The following NPIPB2 variants were observed in gnomAD, a reference collection of about 807,000 sequenced individuals.
NPIPB2 encodes the protein nuclear pore complex-interacting protein family member B2.
In NPIPB2, 27 loss-of-function variants were observed where a neutral mutation model predicts 30.8. The ratio of observed to expected loss-of-function variants is 0.88; its 90% CI spans 0.65 to 1.21. The LOEUF (loss-of-function observed/expected upper bound fraction) is 1.21. NPIPB2 is among the 50% of genes most tolerant of loss of function. The probability of loss-of-function intolerance (pLI) is 0.00; values close to 1 mark genes in which losing one functional copy is unlikely to be tolerated. For missense variants in NPIPB2, 440 were observed against 446.2 expected (o/e 0.99, Z 0.13); for synonymous variants, 147 against 162.0 (o/e 0.91, Z 0.70).
In NPIPB2 at chr16:11,933,814, C is replaced by G. The variant is rs748641802; in HGVS notation, c.292+11G>C. 1 of 1,589,692 alleles carries G rather than the reference C, an allele frequency of 6.3e-7. No individual in the cohort carries two copies. On this transcript the variant is annotated intron_variant, in intron 3 of 7. Transcript: ENST00000399147. ...CATTTCCACACTATGGGGACTCCAA[C>G]AGAGCCATACCTTCCTGTCTACGGC...
upstream of NPIPB2, among the ~76,000 whole-genome samples, chr16:11,944,311 C>T (rs951315539): frequency 4.0e-5 from 6 of 151,388 alleles, no homozygotes; most frequent in African/African-American, 7.3e-5. Flanking sequence ...GGACTATAGG[C>T]GCGTGCCACC....
intron 1 of NPIPB2, among the ~76,000 whole-genome samples, chr16:11,953,587 T>G (rs544082955): frequency 6.6e-6 from 1 of 152,226 alleles, no homozygotes; most frequent in East Asian, 1.9e-4. Flanking sequence ...CCTGACCTCG[T>G]GATTCACCCA....
chr16:11,974,638 A>G (rs986323474), intron 1 of NPIPB2, among the ~76,000 whole-genome samples: 4 of 152,224 alleles, frequency 2.6e-5, no homozygotes, highest in Non-Finnish European at 5.9e-5. Flanking sequence ...GTTTTTTAAA[A>G]CATCTCCTTA....
At chr16:11,957,420 C>A (rs1300497853) in intron 1 of NPIPB2, among the ~76,000 whole-genome samples, 4 of 152,056 alleles carry the variant, frequency 2.6e-5, no homozygotes, top group Non-Finnish European at 4.4e-5. Flanking sequence ...GCCTCGGCCT[C>A]CCAAAGTGCT....
intron 1 of NPIPB2, among the ~76,000 whole-genome samples, chr16:11,951,327 AGT>A (rs2055059449): frequency 6.6e-6 from 1 of 150,946 alleles, no homozygotes; most frequent in Non-Finnish European, 1.5e-5. Flanking sequence ...AGCCGGGCAT[AGT>A]GGCGGGCACC....
rs1239019218 is a variant in NPIPB2 at position 11,933,711 on chromosome 16, C to T, written c.294G>A (p.Gly98=). The T allele has an allele frequency of 2.5e-6, 4 of 1,596,798 alleles. No homozygotes were observed. The African/African-American group carries it at 5.3e-5, about 21-fold the overall frequency. The change falls in exon 4 of 8, where the codon GGG becomes GGA. Residue 98 remains glycine, a splice_region_variant and synonymous_variant. Transcript: ENST00000399147. ...TTGTGTGCATACAAATGGACCTCAGCCCTTGGTGAGAGTGAGGAGAGGAGA... is the reference window on the plus strand; with the variant it reads ...TTGTGTGCATACAAATGGACCTCAGTCCTTGGTGAGAGTGAGGAGAGGAGA...
chr16:11,967,541 G>C (rs539740956), intron 1 of NPIPB2: 3 of 1,598,262 alleles, frequency 1.9e-6, no homozygotes, highest in Admixed American at 1.7e-5. Flanking sequence ...GTGAAGTTTG[G>C]GTTAATGTTT....
rs2071336 is a variant in NPIPB2 at position 11,967,817 on chromosome 16, G to C, written c.-584+8751C>G. 3 of 1,613,884 alleles carry C rather than the reference G, an allele frequency of 1.9e-6. No individual in the cohort carries two copies. The East Asian group carries it at 6.7e-5, about 36-fold the overall frequency. On this transcript the variant is annotated intron_variant, in intron 1 of 5. Transcript: ENST00000538896. ...GCCTGCCAGCTGCTTTGAGTGCTAC[G>C]GAGATAGAGAAATCAATTTCTGCTA...
chr16:11,957,290 G>A (rs1414672388), intron 1 of NPIPB2, among the ~76,000 whole-genome samples: 2 of 150,410 alleles, frequency 1.3e-5, no homozygotes, highest in African/African-American at 2.5e-5. Flanking sequence ...TCAGCCTCCC[G>A]AGTAGCTGGG....
upstream of NPIPB2, among the ~76,000 whole-genome samples, chr16:11,946,241 C>G (rs2055007985): frequency 6.6e-6 from 1 of 151,720 alleles, no homozygotes. Context: ...CAAAATTAGC[C>G]AGGCATGGTG....
chr16:11,937,708 C>T (rs1364476952), intron 1 of NPIPB2, 40 bp from the exon 2 acceptor site: 6 of 1,593,542 alleles, frequency 3.8e-6, no homozygotes, highest in South Asian at 1.1e-5. Context: ...AGGTCAATGA[C>T]ACTGACAATA....
intron 1 of NPIPB2, among the ~76,000 whole-genome samples, chr16:11,947,875 A>G (rs2055027006): frequency 1.3e-5 from 2 of 151,222 alleles, no homozygotes; most frequent in Non-Finnish European, 2.9e-5. Context: ...GGCTAGCATC[A>G]GTGCCCGTGA....
chr16:11,945,688 C>A (rs112100218), upstream of NPIPB2, among the ~76,000 whole-genome samples: 5,522 of 150,676 alleles, frequency 0.037, 348 homozygotes, highest in African/African-American at 0.13. Context: ...AAAAAAAAAA[C>A]AAAAACAAAA....
chr16:11,927,707 G>C (rs774329520), exon 8 of NPIPB2: 1 of 1,599,706 alleles, frequency 6.3e-7, no homozygotes, highest in Non-Finnish European at 8.5e-7. Context: ...TGGAAGGGGA[G>C]TGAGCAGACA....
intron 1 of NPIPB2, among the ~76,000 whole-genome samples, chr16:11,954,478 TA>T (rs78546699): frequency 4.2e-3 from 510 of 122,480 alleles, no homozygotes; most frequent in Middle Eastern, 0.011. Context: ...ACTCTGTCTT[TA>T]AAAAAAAAAA....
chr16:11,970,358 G>A (rs553987008), intron 1 of NPIPB2, among the ~76,000 whole-genome samples: 80 of 151,652 alleles, frequency 5.3e-4, no homozygotes, highest in African/African-American at 1.9e-3. Context: ...GACTACAGTC[G>A]CATGCCACCA....
chr16:11,927,412 C>T (rs748732676), exon 8 of NPIPB2: 7 of 1,060,462 alleles, frequency 6.6e-6, no homozygotes, highest in Non-Finnish European at 7.1e-6. Context: ...GCTTACTCAA[C>T]CTCCGCCTCT....
intron 1 of NPIPB2, chr16:11,966,252 G>A: frequency 6.2e-7 from 1 of 1,614,072 alleles, no homozygotes; most frequent in Non-Finnish European, 8.5e-7. Flanking sequence ...TTGGGACTGA[G>A]CTTAATAATT....
At chr16:11,965,251 G>A in intron 1 of NPIPB2, 1 of 1,580,100 alleles carries the variant, frequency 6.3e-7, no homozygotes, top group Non-Finnish European at 8.6e-7. Context: ...CATTTGCTCT[G>A]GAATTCTTGT....
Sources: allele counts gnomAD v4.1 joint callset (sites outside exome capture counted in the v4.1 genomes callset), GRCh38; gene constraint gnomAD v4.1.1; transcripts MANE v1.5; gene names NCBI Gene and HGNC (gene_info 2026-07-23, HGNC 2026-07-21).